Variants in SLC44A5 observed in about 807,000 individuals in gnomAD.
SLC44A5 encodes solute carrier family 44 member 5.
In SLC44A5, 57 loss-of-function variants were observed where a neutral mutation model predicts 101.8. That is an observed-to-expected ratio of 0.56 (90% CI 0.45 to 0.70). SLC44A5 has a LOEUF of 0.70. Ranked by LOEUF, SLC44A5 falls within the 30% of genes least tolerant of loss-of-function variation. The pLI is 0.00. For missense variants in SLC44A5, 737 were observed against 853.1 expected (o/e 0.86, Z 1.70); for synonymous variants, 281 against 290.9 (o/e 0.97, Z 0.35).
chr1:75,468,571 A>G (rs1383034229), intron 2 of SLC44A5, among the ~76,000 whole-genome samples: 1 of 152,220 alleles, frequency 6.6e-6, no homozygotes, highest in African/African-American at 2.4e-5. Flanking sequence ...CCAGGCACAG[A>G]AAGACAAACA....
the SLC44A5 span, among the ~76,000 whole-genome samples, chr1:75,656,838 G>C: frequency 3.3e-5 from 5 of 152,106 alleles, no homozygotes; most frequent in South Asian, 4.1e-4. Context: ...ATAATAACAT[G>C]AACTAAATTC....
intron 2 of SLC44A5, among the ~76,000 whole-genome samples, chr1:75,469,749 T>C (rs1054944571): frequency 1.3e-5 from 2 of 151,324 alleles, no homozygotes; most frequent in Admixed American, 1.3e-4. Flanking sequence ...GATAAGTAAA[T>C]ATTATCTGGG....
chr1:75,497,698 G>T (rs1030650706), intron 2 of SLC44A5, among the ~76,000 whole-genome samples: 2 of 152,032 alleles, frequency 1.3e-5, no homozygotes, highest in Admixed American at 1.3e-4. Context: ...TCTATATTCA[G>T]TTTGTAGTAA....
intron 4 of SLC44A5, among the ~76,000 whole-genome samples, chr1:75,323,525 C>A (rs1421481335): frequency 6.6e-6 from 1 of 152,146 alleles, no homozygotes; most frequent in African/African-American, 2.4e-5. Context: ...ACACTGACTT[C>A]CACAATGGCT....
At chr1:75,466,057 G>A (rs77884011) in intron 2 of SLC44A5, among the ~76,000 whole-genome samples, 14,202 of 152,044 alleles carry the variant, frequency 0.093, 841 homozygotes, top group Admixed American at 0.19. Context: ...ATCCAAATCA[G>A]AAAAAGAGAC....
intron 2 of SLC44A5, among the ~76,000 whole-genome samples, chr1:75,476,902 C>G (rs1173760183): frequency 5.9e-5 from 9 of 152,342 alleles, no homozygotes; most frequent in East Asian, 1.9e-4. Flanking sequence ...GAGAGCAGTG[C>G]TTCTCCCAGC....
chr1:75,326,535 A>G (rs1343398074), intron 4 of SLC44A5, among the ~76,000 whole-genome samples: 1 of 152,158 alleles, frequency 6.6e-6, no homozygotes, highest in Non-Finnish European at 1.5e-5. Flanking sequence ...GGAAGTAGAC[A>G]TGGTCTACTA....
At chr1:75,270,082 G>A (rs1392001097) in intron 6 of SLC44A5, among the ~76,000 whole-genome samples, 1 of 152,208 alleles carries the variant, frequency 6.6e-6, no homozygotes, top group South Asian at 2.1e-4. Flanking sequence ...CCCCAACCAC[G>A]TGGAACTGTG....
At chr1:75,351,137 A>T (rs1299852806) in intron 3 of SLC44A5, among the ~76,000 whole-genome samples, 1 of 151,886 alleles carries the variant, frequency 6.6e-6, no homozygotes, top group African/African-American at 2.4e-5. Flanking sequence ...TTTCATAATA[A>T]TAAAGGTTCA....
chr1:75,552,682 A>G (rs1203404088), intron 1 of SLC44A5, among the ~76,000 whole-genome samples: 1 of 148,328 alleles, frequency 6.7e-6, no homozygotes, highest in African/African-American at 2.5e-5. Context: ...CCCAGAGAGC[A>G]TTGTTCACAA....
chr1:75,268,625 A>G (rs1326287262), intron 6 of SLC44A5, among the ~76,000 whole-genome samples: 1 of 152,172 alleles, frequency 6.6e-6, no homozygotes, highest in African/African-American at 2.4e-5. Context: ...TACTGTAAGC[A>G]TATGTATATC....
intron 4 of SLC44A5, among the ~76,000 whole-genome samples, chr1:75,319,601 C>T (rs1655982981): frequency 6.6e-6 from 1 of 152,178 alleles, no homozygotes; most frequent in Admixed American, 6.5e-5. Flanking sequence ...GAACTATATT[C>T]TGTAAACCCC....
chr1:75,660,564 A>G, the SLC44A5 span, among the ~76,000 whole-genome samples: 1 of 152,184 alleles, frequency 6.6e-6, no homozygotes, highest in Non-Finnish European at 1.5e-5. Flanking sequence ...TAATTTTTAT[A>G]TTTAGGAAAA....
At chr1:75,673,312 G>A in the SLC44A5 span, among the ~76,000 whole-genome samples, 2 of 151,942 alleles carry the variant, frequency 1.3e-5, no homozygotes, top group African/African-American at 2.4e-5. Context: ...GGGGTGTGAT[G>A]ACCACAAGGA....
intron 2 of SLC44A5, among the ~76,000 whole-genome samples, chr1:75,454,180 C>T (rs956405564): frequency 6.6e-6 from 1 of 152,066 alleles, no homozygotes; most frequent in African/African-American, 2.4e-5. Context: ...TCCAGCATCA[C>T]ATTAAAAAAT....
chr1:75,683,425 C>T, the SLC44A5 span, among the ~76,000 whole-genome samples: 1 of 151,464 alleles, frequency 6.6e-6, no homozygotes, highest in Non-Finnish European at 1.5e-5. Flanking sequence ...ACTATGCAGC[C>T]ATAAAAAATG....
At chr1:75,711,711 G>A in the SLC44A5 span, among the ~76,000 whole-genome samples, 4 of 152,326 alleles carry the variant, frequency 2.6e-5, no homozygotes, top group South Asian at 6.2e-4. Flanking sequence ...GGCAAGAGAT[G>A]TGGGGGTACG....
At chr1:75,570,366 C>G (rs1461417444) in intron 1 of SLC44A5, among the ~76,000 whole-genome samples, 2 of 152,062 alleles carry the variant, frequency 1.3e-5, no homozygotes, top group Admixed American at 6.6e-5. Context: ...GAACGAAACA[C>G]AGAAATACAC....
At chr1:75,507,985 C>G (rs1669363379) in intron 2 of SLC44A5, among the ~76,000 whole-genome samples, 1 of 152,104 alleles carries the variant, frequency 6.6e-6, no homozygotes, top group South Asian at 2.1e-4. Flanking sequence ...AGAAAGCTAA[C>G]AAGAAAATTC....
Sources: gnomAD v4.1 joint callset for allele counts (sites outside exome capture counted in the v4.1 genomes callset) on GRCh38, gnomAD v4.1.1 for gene constraint, MANE v1.5 for transcripts, NCBI Gene and HGNC (gene_info 2026-07-23, HGNC 2026-07-21) for gene names.